Variants in CCSER1 observed in about 807,000 individuals in gnomAD.
The protein encoded by CCSER1 is coiled-coil serine rich protein 1.
In CCSER1, 41 loss-of-function variants were observed where a neutral mutation model predicts 82.0. The observed-to-expected ratio is 0.50, with a 90% CI of 0.39 to 0.65. CCSER1 has a LOEUF of 0.65. Ranked by LOEUF, CCSER1 falls within the 30% of genes least tolerant of loss-of-function variation. The pLI is 0.00. For synonymous variants in CCSER1, 414 were observed against 383.9 expected (o/e 1.08, Z -0.92); for missense variants, 1,119 against 1,064.2 (o/e 1.05, Z -0.72).
intron 5 of CCSER1, among the ~76,000 whole-genome samples, chr4:90,627,206 C>G (rs1303470503): frequency 6.6e-6 from 1 of 151,886 alleles, no homozygotes; most frequent in Non-Finnish European, 1.5e-5. Context: ...GAATATTATT[C>G]AAAAATGTGT....
intron 9 of CCSER1, among the ~76,000 whole-genome samples, chr4:90,931,468 A>C (rs1280312361): frequency 1.3e-5 from 2 of 152,154 alleles, no homozygotes; most frequent in African/African-American, 4.8e-5. Context: ...GTGGTATTCA[A>C]ATTAACTCTC....
intron 10 of CCSER1, among the ~76,000 whole-genome samples, chr4:91,579,355 T>A (rs999711370): frequency 6.6e-6 from 1 of 151,536 alleles, no homozygotes; most frequent in Non-Finnish European, 1.5e-5. Flanking sequence ...TTGTACCCAA[T>A]TGGTCATTTT....
In CCSER1 at chr4:91,569,557, C is replaced by A. The variant is rs145244093; in HGVS notation, c.2218-29015C>A. On this transcript the variant is annotated intron_variant, in intron 10 of 10. Coordinates refer to ENST00000509176, the MANE Select transcript of CCSER1 (RefSeq NM_001145065.2). ...GAAACTTAACAATCATGGCAGAAAG[C>A]ACCTCTTCCCAAAATGGCAGGAGAG... 3.0e-4 allele frequency among the ~76,000 whole-genome samples: 45 copies of A among 152,224 alleles called. No individual in the cohort carries two copies. The East Asian group carries it at 8.3e-3, about 28-fold the overall frequency.
At chr4:91,586,881 TTGC>T (rs1764022162) in intron 10 of CCSER1, among the ~76,000 whole-genome samples, 1 of 151,808 alleles carries the variant, frequency 6.6e-6, no homozygotes, top group African/African-American at 2.4e-5. Flanking sequence ...GGGGGTAATA[TTGC>T]ATACTTAGTT....
At chr4:90,294,558 A>C (rs1731504060) in intron 1 of CCSER1, among the ~76,000 whole-genome samples, 2 of 152,090 alleles carry the variant, frequency 1.3e-5, no homozygotes, top group Admixed American at 6.6e-5. Context: ...ATTCCTTCCC[A>C]GTGGAAACCA....
intron 6 of CCSER1, among the ~76,000 whole-genome samples, chr4:90,697,304 C>A (rs908253426): frequency 2.6e-5 from 4 of 152,072 alleles, no homozygotes; most frequent in African/African-American, 9.7e-5. Flanking sequence ...CAGAAGCCTG[C>A]GCAAGATTGT....
At chr4:91,061,431 T>TAGTACTCTA (rs1380327696) in intron 9 of CCSER1, among the ~76,000 whole-genome samples, 1 of 152,056 alleles carries the variant, frequency 6.6e-6, no homozygotes, top group African/African-American at 2.4e-5. Flanking sequence ...CCACCAGGTT[T>TAGTACTCTA]TTTTGTCTAG....
chr4:91,132,282 T>C (rs1728063345), intron 10 of CCSER1, among the ~76,000 whole-genome samples: 1 of 152,058 alleles, frequency 6.6e-6, no homozygotes, highest in Non-Finnish European at 1.5e-5. Flanking sequence ...TTAATTAATT[T>C]AGGAAAGCAA....
chr4:90,291,930 A>G (rs1283267878), intron 1 of CCSER1, among the ~76,000 whole-genome samples: 1 of 151,972 alleles, frequency 6.6e-6, no homozygotes, highest in East Asian at 1.9e-4. Context: ...TATGTTAATT[A>G]TCAGACATAC....
At chr4:91,173,745 G>A (rs1037032925) in intron 10 of CCSER1, among the ~76,000 whole-genome samples, 2 of 152,138 alleles carry the variant, frequency 1.3e-5, no homozygotes, top group South Asian at 2.1e-4. Flanking sequence ...CTTCCTGAGT[G>A]TATGAGAGGC....
chr4:90,493,354 A>G (rs1038371161), intron 5 of CCSER1, among the ~76,000 whole-genome samples: 1 of 152,214 alleles, frequency 6.6e-6, no homozygotes, highest in Non-Finnish European at 1.5e-5. Flanking sequence ...GATATTATAC[A>G]GGAAAACTTC....
chr4:91,502,285 A>G (rs1326333693), intron 10 of CCSER1, among the ~76,000 whole-genome samples: 2 of 151,784 alleles, frequency 1.3e-5, no homozygotes, highest in Non-Finnish European at 2.9e-5. Context: ...GGGAAGGACA[A>G]CTCTCTTCCT....
intron 5 of CCSER1, among the ~76,000 whole-genome samples, chr4:90,503,862 A>G (rs1272961711): frequency 6.6e-6 from 1 of 152,102 alleles, no homozygotes; most frequent in Non-Finnish European, 1.5e-5. Context: ...AAACCTTATC[A>G]TGACTTACAT....
chr4:90,379,209 C>T (rs1029839599), intron 3 of CCSER1, among the ~76,000 whole-genome samples: 3 of 152,156 alleles, frequency 2.0e-5, no homozygotes, highest in Non-Finnish European at 4.4e-5. Context: ...TATATTGTGA[C>T]TCAGAGAGCC....
At chr4:91,301,641 A>C (rs1401087463) in intron 10 of CCSER1, among the ~76,000 whole-genome samples, 1 of 151,810 alleles carries the variant, frequency 6.6e-6, no homozygotes, top group Non-Finnish European at 1.5e-5. Context: ...TTCTCTATGC[A>C]AACCTATGTC....
chr4:90,278,649 G>A (rs1728324898), intron 1 of CCSER1, among the ~76,000 whole-genome samples: 1 of 151,704 alleles, frequency 6.6e-6, no homozygotes, highest in South Asian at 2.1e-4. Flanking sequence ...ATAAAGATGG[G>A]AACAATAGAC....
At chr4:90,830,715 A>C (rs1382104603) in intron 8 of CCSER1, among the ~76,000 whole-genome samples, 46 of 152,292 alleles carry the variant, frequency 3.0e-4, no homozygotes, top group Non-Finnish European at 1.3e-4. Context: ...TTGAATCAGT[A>C]AAGTCCCCAA....
rs200915923 is a variant in CCSER1, at chr4:91,412,952, C to CA, written c.2218-185610dup. Reference sequence around the variant, plus strand: ...AAGGTCAATGAGATGCATAAGGAAACAAAAAAAAAACAGATAACTAAATGA... The same window carrying CA: ...AAGGTCAATGAGATGCATAAGGAAACAAAAAAAAAAACAGATAACTAAATGA... On this transcript the variant is annotated intron_variant, in intron 10 of 10. Transcript: ENST00000509176. Among the ~76,000 whole-genome samples, 370 of 86,746 alleles carry CA rather than the reference C, an allele frequency of 4.3e-3. 3 individuals are homozygous for CA. Among genetic ancestry groups the CA allele is most frequent in the Admixed American group, 0.024 (257 of 10,552 alleles). 56.9% of individuals were successfully genotyped at this position (86,746 alleles called of 152,430 possible).
intron 10 of CCSER1, among the ~76,000 whole-genome samples, chr4:91,347,658 G>C (rs1181003620): frequency 6.6e-6 from 1 of 151,666 alleles, no homozygotes; most frequent in Non-Finnish European, 1.5e-5. Flanking sequence ...TCAGAATATT[G>C]TAGTTTTTCT....
Sources: allele counts gnomAD v4.1 joint callset (sites outside exome capture counted in the v4.1 genomes callset), GRCh38; gene constraint gnomAD v4.1.1; transcripts MANE v1.5; gene names NCBI Gene and HGNC (gene_info 2026-07-23, HGNC 2026-07-21).